PIP5K1B: variants seen among roughly 807,000 people sequenced by gnomAD.
PIP5K1B encodes the protein phosphatidylinositol-4-phosphate 5-kinase type 1 beta.
PIP5K1B carries 42 observed loss-of-function variants against 67.0 expected under a neutral mutation model. The observed-to-expected ratio is 0.63, with a 90% CI of 0.49 to 0.81. The LOEUF (loss-of-function observed/expected upper bound fraction) is 0.81, where lower values mean the gene tolerates loss of function less well. PIP5K1B is among the 30% of genes least tolerant of loss of function. The pLI, the probability that PIP5K1B is intolerant of heterozygous loss-of-function variation, is 0.00. For missense variants in PIP5K1B, 459 were observed against 646.3 expected (o/e 0.71, Z 3.14); for synonymous variants, 214 against 231.4 (o/e 0.92, Z 0.68).
intron 14 of PIP5K1B, among the ~76,000 whole-genome samples, chr9:68,949,349 C>A (rs540254824): frequency 6.6e-6 from 1 of 152,290 alleles, no homozygotes; most frequent in East Asian, 1.9e-4. Flanking sequence ...CTGAAGTCTG[C>A]ATTTTGGCAA....
chr9:68,723,694 G>GTTTTTTTT (rs1224332057), intron 1 of PIP5K1B, among the ~76,000 whole-genome samples: 22 of 36,708 alleles, frequency 6.0e-4, no homozygotes, highest in Admixed American at 4.9e-3. Flanking sequence ...TGAAGTATTT[G>GTTTTTTTT]GTTTTTTTTT....
chr9:68,893,338 T>TTC (rs1554730536), intron 7 of PIP5K1B, among the ~76,000 whole-genome samples: 9 of 138,374 alleles, frequency 6.5e-5, no homozygotes, highest in South Asian at 2.4e-4. Flanking sequence ...TTTTTCTTTT[T>TTC]TTTTTTTTTT....
chr9:68,889,519 G>C (rs1055034483), intron 7 of PIP5K1B, among the ~76,000 whole-genome samples: 2 of 152,058 alleles, frequency 1.3e-5, no homozygotes, highest in African/African-American at 2.4e-5. Context: ...CAGATCACAA[G>C]GTCAGGAGAT....
chr9:68,922,399 G>A (rs1564236720), intron 11 of PIP5K1B, among the ~76,000 whole-genome samples: 4 of 145,572 alleles, frequency 2.7e-5, no homozygotes, highest in African/African-American at 1.0e-4. Context: ...GGAGGCGGAG[G>A]TTGCAGTGAG....
chr9:68,737,833 A>G (rs1408679908), intron 1 of PIP5K1B, among the ~76,000 whole-genome samples: 3 of 152,266 alleles, frequency 2.0e-5, no homozygotes, highest in Non-Finnish European at 4.4e-5. Context: ...AGGAACCAGC[A>G]TAAATCTACT....
chr9:68,820,064 G>A (rs1021935710), intron 3 of PIP5K1B, among the ~76,000 whole-genome samples: 3 of 152,074 alleles, frequency 2.0e-5, no homozygotes, highest in Non-Finnish European at 4.4e-5. Flanking sequence ...CTCTCATTAA[G>A]GTTGTTTTTT....
intron 1 of PIP5K1B, among the ~76,000 whole-genome samples, chr9:68,738,141 A>G (rs1828829790): frequency 6.6e-6 from 1 of 152,198 alleles, no homozygotes; most frequent in Non-Finnish European, 1.5e-5. Flanking sequence ...TTGGATAGAG[A>G]TCTGAAAAAT....
At chr9:68,855,387 T>A (rs922196282) in intron 4 of PIP5K1B, among the ~76,000 whole-genome samples, 3 of 152,226 alleles carry the variant, frequency 2.0e-5, no homozygotes, top group African/African-American at 7.2e-5. Context: ...ATTTATATGC[T>A]AACAACTCTC....
chr9:68,898,339 T>A (rs1199496483), intron 8 of PIP5K1B, among the ~76,000 whole-genome samples: 2 of 152,112 alleles, frequency 1.3e-5, no homozygotes, highest in Non-Finnish European at 2.9e-5. Context: ...GAAATGGATA[T>A]GTAAATGATG....
At chr9:68,778,598 G>T (rs1831043874) in intron 2 of PIP5K1B, among the ~76,000 whole-genome samples, 1 of 152,162 alleles carries the variant, frequency 6.6e-6, no homozygotes, top group African/African-American at 2.4e-5. Context: ...CCTAGTCCAA[G>T]AATCTTATCT....
intron 12 of PIP5K1B, among the ~76,000 whole-genome samples, chr9:68,931,248 G>T (rs1396908586): frequency 6.6e-6 from 1 of 152,132 alleles, no homozygotes; most frequent in Non-Finnish European, 1.5e-5. Flanking sequence ...AAGTACTAAA[G>T]CTTAGTTTCC....
At chr9:68,908,380 A>G (rs1413782482) in intron 8 of PIP5K1B, among the ~76,000 whole-genome samples, 2 of 151,840 alleles carry the variant, frequency 1.3e-5, no homozygotes, top group Non-Finnish European at 2.9e-5. Flanking sequence ...CACACACATT[A>G]TATATATACA....
chr9:68,880,592 T>TAC (rs763461495), intron 6 of PIP5K1B, among the ~76,000 whole-genome samples: 7,013 of 77,004 alleles, frequency 0.091, 392 homozygotes, highest in African/African-American at 0.19. Flanking sequence ...CACACACGCA[T>TAC]ACACACACAC....
At chr9:68,830,429 G>T (rs1355100396) in intron 4 of PIP5K1B, among the ~76,000 whole-genome samples, 2 of 32,524 alleles carry the variant, frequency 6.1e-5, no homozygotes, top group Non-Finnish European at 8.1e-5. Flanking sequence ...GATTAAAACA[G>T]CTGAGCGAGC....
chr9:68,959,268 G>A (rs1314667083), intron 14 of PIP5K1B, among the ~76,000 whole-genome samples: 2 of 152,152 alleles, frequency 1.3e-5, no homozygotes, highest in Non-Finnish European at 2.9e-5. Context: ...ATTTTCAGAT[G>A]TGTGTCATTC....
chr9:68,958,784 A>T (rs1828548675), intron 14 of PIP5K1B, among the ~76,000 whole-genome samples: 1 of 151,938 alleles, frequency 6.6e-6, no homozygotes, highest in Non-Finnish European at 1.5e-5. Flanking sequence ...TAAAAGGTTA[A>T]TTTTTTTTGG....
chr9:68,749,769 T>C (rs966832263), intron 2 of PIP5K1B, among the ~76,000 whole-genome samples: 1 of 152,138 alleles, frequency 6.6e-6, no homozygotes, highest in African/African-American at 2.4e-5. Context: ...CCTGAGGATG[T>C]TCAGCGGCAT....
chr9:68,742,664 C>A lies in PIP5K1B; in HGVS notation c.-86+7C>A, dbSNP rs1370784511. 1 of 152,158 alleles carries A rather than the reference C, an allele frequency of 6.6e-6. No individual in the cohort carries two copies. The highest frequency in any genetic ancestry group is 2.4e-5 in the African/African-American group (1 of 41,422). 9.4% of individuals were successfully genotyped at this position (152,158 alleles called of 1,614,324 possible). A position where few individuals can be genotyped will look rare whatever the true frequency, so the allele number is the denominator to read the frequency against. ...TCTAGGAGAGAGGTGAAAGGTAATTCTTTTGAAAATACCTATTTTAAAGCA... is the reference window on the plus strand; with the variant it reads ...TCTAGGAGAGAGGTGAAAGGTAATTATTTTGAAAATACCTATTTTAAAGCA... On this transcript the variant is annotated splice_region_variant and intron_variant, in intron 2 of 15. Coordinates refer to ENST00000265382, the MANE Select transcript of PIP5K1B (RefSeq NM_003558.4).
intron 14 of PIP5K1B, among the ~76,000 whole-genome samples, chr9:68,958,046 T>A (rs1249575705): frequency 2.0e-5 from 3 of 152,106 alleles, no homozygotes; most frequent in African/African-American, 7.2e-5. Flanking sequence ...CTAATTTTTG[T>A]GTTTTTTGTA....
Sources: allele counts gnomAD v4.1 joint callset (sites outside exome capture counted in the v4.1 genomes callset), GRCh38; gene constraint gnomAD v4.1.1; transcripts MANE v1.5; gene names NCBI Gene and HGNC (gene_info 2026-07-23, HGNC 2026-07-21).